The following ZNF41 variants were observed in gnomAD, a reference collection of about 807,000 sequenced individuals.
ZNF41 encodes the protein zinc finger protein 41.
A neutral mutation model predicts 9.3 loss-of-function variants in ZNF41; 6 were observed. The observed-to-expected ratio is 0.65, with a 90% CI of 0.35 to 1.28. The LOEUF is 1.28. Among genes scored for constraint, ZNF41 ranks in the 50% most tolerant of loss-of-function variants. The pLI, the probability that ZNF41 is intolerant of heterozygous loss-of-function variation, is 0.03. For missense variants in ZNF41, 523 were observed against 585.8 expected (o/e 0.89, Z 1.11); for synonymous variants, 192 against 207.1 (o/e 0.93, Z 0.63).
At chrX:47,478,789 C>T (rs1260029097) in intron 1 of ZNF41, among the ~76,000 whole-genome samples, 4 of 109,665 alleles carry the variant, frequency 3.6e-5, no homozygotes, top group Admixed American at 3.0e-4. Flanking sequence ...AAAAGCTAGC[C>T]GGGCGTGGTG....
chrX:47,476,702 G>T (rs1393162627), intron 1 of ZNF41: 1 of 110,524 alleles, frequency 9.0e-6, no homozygotes, highest in African/African-American at 3.3e-5. Context: ...CTCATACATT[G>T]CTGCTGGGAC....
intron 1 of ZNF41, among the ~76,000 whole-genome samples, chrX:47,469,037 C>T (rs1169308008): frequency 8.1e-5 from 9 of 110,943 alleles, no homozygotes; most frequent in South Asian, 3.7e-4. Context: ...TTTAGCCGGG[C>T]GCGGTGGCTC....
intron 2 of ZNF41, 131 bp downstream of exon 2, chrX:47,467,279 T>C: frequency 8.7e-7 from 1 of 1,153,277 alleles, no homozygotes; most frequent in Non-Finnish European, 1.2e-6. Flanking sequence ...CCCTGATCTG[T>C]CTCCAGGGTG....
At chrX:47,459,742 T>TAAAAAAAAAAAAAA (rs768291943) in intron 2 of ZNF41, among the ~76,000 whole-genome samples, 1 of 16,153 alleles carries the variant, frequency 6.2e-5, no homozygotes, top group Non-Finnish European at 1.1e-4. Context: ...AGACCCTATC[T>TAAAAAAAAAAAAAA]AAAAAAAAAA....
chrX:47,469,825 G>A (rs907959664), intron 1 of ZNF41, among the ~76,000 whole-genome samples: 3 of 110,387 alleles, frequency 2.7e-5, no homozygotes, highest in Non-Finnish European at 1.9e-5. Context: ...AGCCGAGATC[G>A]TGCCACTGCA....
At chrX:47,479,132 T>C (rs1259493031) in intron 1 of ZNF41, among the ~76,000 whole-genome samples, 1 of 110,473 alleles carries the variant, frequency 9.1e-6, no homozygotes, top group African/African-American at 3.3e-5. Context: ...AAAATTAGAT[T>C]GTGATGATGG....
chrX:47,451,800 C>T (rs1418905973), intron 4 of ZNF41, among the ~76,000 whole-genome samples: 3 of 111,980 alleles, frequency 2.7e-5, no homozygotes, highest in Non-Finnish European at 3.8e-5. Flanking sequence ...TGCTTGAATC[C>T]GGGAGGTGGA....
chrX:47,456,784 G>A (rs2056579533), intron 2 of ZNF41, among the ~76,000 whole-genome samples: 1 of 111,833 alleles, frequency 8.9e-6, no homozygotes, highest in African/African-American at 3.3e-5. Flanking sequence ...AGACACAAAG[G>A]GAGCTTTAGG....
At chrX:47,475,777 A>T (rs1370153976) in intron 1 of ZNF41, among the ~76,000 whole-genome samples, 1 of 111,415 alleles carries the variant, frequency 9.0e-6, no homozygotes, top group Non-Finnish European at 1.9e-5. Flanking sequence ...ATGGAGGGAC[A>T]TGGAGTTGAG....
chrX:47,475,280 GCA>G (rs757072377), intron 1 of ZNF41, among the ~76,000 whole-genome samples: 2 of 109,824 alleles, frequency 1.8e-5, no homozygotes, highest in Non-Finnish European at 3.8e-5. Flanking sequence ...GAAGCATTAT[GCA>G]CAGATGCACA....
chrX:47,478,728 C>T (rs2057400469), intron 1 of ZNF41, among the ~76,000 whole-genome samples: 1 of 110,423 alleles, frequency 9.1e-6, no homozygotes, highest in Non-Finnish European at 1.9e-5. Context: ...GGCGGATCAC[C>T]TGAGGTCAGG....
chrX:47,461,736 C>A (rs2056800860), intron 2 of ZNF41, among the ~76,000 whole-genome samples: 1 of 110,934 alleles, frequency 9.0e-6, no homozygotes, highest in African/African-American at 3.3e-5. Context: ...GAGATAGGAT[C>A]TTGCTCTGTT....
chrX:47,455,291 A>AG (rs1490091891), intron 4 of ZNF41, among the ~76,000 whole-genome samples: 1 of 94,992 alleles, frequency 1.1e-5, no homozygotes, highest in Non-Finnish European at 2.0e-5. Flanking sequence ...ATTAAAATTA[A>AG]AAAAAAAAAA....
chrX:47,478,477 A>AG (rs2057394118), intron 1 of ZNF41, among the ~76,000 whole-genome samples: 1 of 110,748 alleles, frequency 9.0e-6, no homozygotes, highest in Admixed American at 9.7e-5. Context: ...ACTGCACTCC[A>AG]GCCTGGGTGA....
chrX:47,463,923 A>G, intron 2 of ZNF41, among the ~76,000 whole-genome samples: 1 of 111,251 alleles, frequency 9.0e-6, no homozygotes, highest in South Asian at 3.8e-4. Context: ...GTTCCCTGGT[A>G]TCACTGTCTT....
chrX:47,473,573 T>C (rs1020877496), intron 1 of ZNF41, among the ~76,000 whole-genome samples: 1 of 112,075 alleles, frequency 8.9e-6, no homozygotes, highest in Admixed American at 9.5e-5. Context: ...ATCATAATTG[T>C]TTTTGTATTA....
chrX:47,467,330 C>T, intron 2 of ZNF41, 80 bp downstream of exon 2: 6 of 1,167,568 alleles, frequency 5.1e-6, no homozygotes, highest in Non-Finnish European at 6.9e-6. Context: ...TCACCTGCTT[C>T]TGCCCTTAGG....
chrX:47,468,908 A>T (rs1213073392), intron 1 of ZNF41, among the ~76,000 whole-genome samples: 1 of 111,864 alleles, frequency 8.9e-6, no homozygotes, highest in Non-Finnish European at 1.9e-5. Context: ...ATTTGCAACA[A>T]CAGAAGCCAT....
At position 47,446,441 on chromosome X, in the gene ZNF41, A is replaced by T. The variant is rs1369427244; in HGVS notation, c.*989T>A. The T allele has an allele frequency of 9.0e-6, 1 of 110,831 alleles. No homozygotes were observed. Among genetic ancestry groups the T allele is most frequent in the Non-Finnish European group, 1.9e-5 (1 of 52,943 alleles). The allele number at this position is 110,831 out of a possible 1,213,427, so 9.1% of individuals were successfully genotyped here. The stretch of plus-strand genomic sequence containing the variant: ...GAAAAACAAAATATTAGGAAGTGAA[A>T]CTCAATTTTTCAACCATTCTTTTTC... On this transcript the variant is annotated 3_prime_UTR_variant, in exon 5 of 5. Coordinates refer to ENST00000684689, the MANE Select transcript of ZNF41 (RefSeq NM_001324144.2).
Sources: allele counts gnomAD v4.1 joint callset (sites outside exome capture counted in the v4.1 genomes callset), GRCh38; gene constraint gnomAD v4.1.1; transcripts MANE v1.5; gene names NCBI Gene and HGNC (gene_info 2026-07-23, HGNC 2026-07-21).